Variants in CNTNAP5 observed in about 807,000 individuals in gnomAD.
CNTNAP5 encodes the protein contactin associated protein family member 5.
A neutral mutation model predicts 150.2 loss-of-function variants in CNTNAP5; 72 were observed. That is an observed-to-expected ratio of 0.48 (90% confidence interval 0.40 to 0.58). The LOEUF is 0.58. Among genes scored for constraint, CNTNAP5 ranks in the 20% least tolerant of loss-of-function variants. The pLI is 0.00. For synonymous variants in CNTNAP5, 672 were observed against 619.8 expected, an observed-to-expected ratio of 1.08 and a Z score of -1.25; for missense variants, 1,636 against 1,626.2, an observed-to-expected ratio of 1.01 and a Z score of -0.10.
At chr2:124,124,540 T>C (rs1483760277) in intron 1 of CNTNAP5, among the ~76,000 whole-genome samples, 4 of 152,140 alleles carry the variant, frequency 2.6e-5, no homozygotes, top group Non-Finnish European at 5.9e-5. Flanking sequence ...AGGCCTACGT[T>C]CAAATTCAGG....
At chr2:124,320,527 A>G (rs779979) in intron 3 of CNTNAP5, among the ~76,000 whole-genome samples, 1 of 151,876 alleles carries the variant, frequency 6.6e-6, no homozygotes. Flanking sequence ...ACAGCCACTG[A>G]CATGCAAGCT....
intron 1 of CNTNAP5, among the ~76,000 whole-genome samples, chr2:124,060,282 A>G (rs1039476986): frequency 6.6e-6 from 1 of 152,224 alleles, no homozygotes; most frequent in African/African-American, 2.4e-5. Flanking sequence ...AGTTCTCAAT[A>G]AAGAAAGCAT....
chr2:124,752,312 C>T (rs1680745424), intron 14 of CNTNAP5, among the ~76,000 whole-genome samples: 2 of 152,062 alleles, frequency 1.3e-5, no homozygotes, highest in African/African-American at 2.4e-5. Flanking sequence ...ATCTCAGCCT[C>T]CCAAAGCATT....
At chr2:124,192,424 G>A (rs1424765084) in intron 1 of CNTNAP5, among the ~76,000 whole-genome samples, 4 of 152,068 alleles carry the variant, frequency 2.6e-5, no homozygotes. Context: ...GTGATTCACT[G>A]TCCTGTGGGG....
intron 3 of CNTNAP5, among the ~76,000 whole-genome samples, chr2:124,246,070 C>T (rs776442343): frequency 5.9e-4 from 89 of 152,080 alleles, no homozygotes; most frequent in South Asian, 1.9e-3. Flanking sequence ...CTTATGTTCA[C>T]CTGGTCTTCT....
chr2:124,653,154 A>G (rs1019798351), intron 13 of CNTNAP5, among the ~76,000 whole-genome samples: 3 of 152,182 alleles, frequency 2.0e-5, no homozygotes, highest in African/African-American at 4.8e-5. Context: ...AGCCATTCCT[A>G]TTAATTCATT....
intron 3 of CNTNAP5, among the ~76,000 whole-genome samples, chr2:124,393,398 C>T (rs1399359864): frequency 1.3e-5 from 2 of 152,126 alleles, no homozygotes; most frequent in Non-Finnish European, 2.9e-5. Context: ...GAATAGACTT[C>T]TCCAGTCTGC....
At chr2:124,693,172 C>T (rs747526581) in intron 13 of CNTNAP5, among the ~76,000 whole-genome samples, 4 of 152,042 alleles carry the variant, frequency 2.6e-5, no homozygotes, top group Non-Finnish European at 4.4e-5. Flanking sequence ...GGACCAAGTG[C>T]TTTAACCTTC....
intron 19 of CNTNAP5, among the ~76,000 whole-genome samples, chr2:124,810,910 A>G (rs1682202356): frequency 6.6e-6 from 1 of 152,168 alleles, no homozygotes; most frequent in Admixed American, 6.5e-5. Flanking sequence ...TAAAACCAGG[A>G]TAGCCCCCCG....
At position 124,915,459 on chromosome 2, in the gene CNTNAP5, G is replaced by T. The variant is rs1322159910; in HGVS notation, c.*1171G>T. On this transcript the variant is annotated 3_prime_UTR_variant, in exon 24 of 24. Coordinates refer to ENST00000682447, the MANE Select transcript of CNTNAP5 (RefSeq NM_001367498.1). ...TGGTGAAGATAGTTAATTCAAATTTGCAAGTTTCACATTTTTTAACATCAA... is the reference window on the plus strand; with the variant it reads ...TGGTGAAGATAGTTAATTCAAATTTTCAAGTTTCACATTTTTTAACATCAA... 1.3e-5 allele frequency among the ~76,000 whole-genome samples: 2 copies of T among 152,044 alleles called. No individual in the cohort carries two copies. Among genetic ancestry groups the T allele is most frequent in the African/African-American group, 2.4e-5 (1 of 41,510 alleles).
At chr2:124,366,436 A>G (rs1315255346) in intron 3 of CNTNAP5, among the ~76,000 whole-genome samples, 1 of 152,204 alleles carries the variant, frequency 6.6e-6, no homozygotes, top group Non-Finnish European at 1.5e-5. Context: ...TCCAATTGAC[A>G]TTGAAATTCC....
At chr2:124,901,360 T>C (rs1053050988) in intron 21 of CNTNAP5, among the ~76,000 whole-genome samples, 3 of 151,692 alleles carry the variant, frequency 2.0e-5, no homozygotes, top group Admixed American at 2.0e-4. Flanking sequence ...TCCTGTATTA[T>C]CAGGATGAAT....
At chr2:124,584,222 A>C (rs567273417) in intron 11 of CNTNAP5, among the ~76,000 whole-genome samples, 1 of 152,144 alleles carries the variant, frequency 6.6e-6, no homozygotes, top group Non-Finnish European at 1.5e-5. Flanking sequence ...CGGGTTTTGC[A>C]AGAAGATCTT....
intron 11 of CNTNAP5, among the ~76,000 whole-genome samples, chr2:124,584,869 A>G (rs1696492614): frequency 6.6e-6 from 1 of 152,186 alleles, no homozygotes; most frequent in Non-Finnish European, 1.5e-5. Context: ...TGTTTTCCGC[A>G]TTTAGAGGCG....
chr2:124,282,137 A>G (rs1411596313), intron 3 of CNTNAP5, among the ~76,000 whole-genome samples: 2 of 152,246 alleles, frequency 1.3e-5, no homozygotes, highest in African/African-American at 4.8e-5. Context: ...TAGGCACCCA[A>G]AAAGGGCAAA....
chr2:124,399,474 T>C (rs1185632246), intron 3 of CNTNAP5, among the ~76,000 whole-genome samples: 3 of 152,246 alleles, frequency 2.0e-5, no homozygotes, highest in South Asian at 2.1e-4. Flanking sequence ...AAATTGACTA[T>C]AGGACAGGCA....
chr2:124,153,053 A>C (rs1483233681), intron 1 of CNTNAP5, among the ~76,000 whole-genome samples: 1 of 152,182 alleles, frequency 6.6e-6, no homozygotes, highest in African/African-American at 2.4e-5. Flanking sequence ...CCTTAGGCCA[A>C]GGCTGAAATT....
In CNTNAP5 at chr2:124,701,956, A is replaced by G. The variant is rs1327089819; in HGVS notation, c.2078-45273A>G. 3.3e-5 allele frequency among the ~76,000 whole-genome samples: 5 copies of G among 152,166 alleles called. No individual in the cohort carries two copies. The East Asian group carries it at 9.7e-4, about 29-fold the overall frequency. On this transcript the variant is annotated intron_variant, in intron 13 of 23. Coordinates refer to ENST00000682447, the MANE Select transcript of CNTNAP5 (RefSeq NM_001367498.1). ...CAACATTTTACTGGAAAATTTTCAA[A>G]TATATATAAAATTTAAAAATTGTGT...
intron 13 of CNTNAP5, among the ~76,000 whole-genome samples, chr2:124,695,830 A>G (rs989814694): frequency 2.0e-5 from 3 of 152,140 alleles, no homozygotes; most frequent in African/African-American, 7.2e-5. Context: ...CTGGGTGATC[A>G]TTGCAGAGTG....
Sources: allele counts gnomAD v4.1 joint callset (sites outside exome capture counted in the v4.1 genomes callset), GRCh38; gene constraint gnomAD v4.1.1; transcripts MANE v1.5; gene names NCBI Gene and HGNC (gene_info 2026-07-23, HGNC 2026-07-21).